NRXN1: variants seen among roughly 807,000 people sequenced by gnomAD.
The protein encoded by NRXN1 is neurexin-1.
Under a neutral mutation model 150.9 loss-of-function variants are expected in NRXN1, and 39 were observed. That is an observed-to-expected ratio of 0.26 (90% CI 0.20 to 0.34). The LOEUF (loss-of-function observed/expected upper bound fraction) is 0.34, where lower values mean the gene tolerates loss of function less well. NRXN1 is among the 10% of genes least tolerant of loss of function. The pLI is 1.00. For synonymous variants in NRXN1, 924 were observed against 757.0 expected (o/e 1.22, Z -3.62); for missense variants, 1,815 against 1,949.9 (o/e 0.93, Z 1.30).
chr2:50,709,920 C>A (rs1426471801), intron 5 of NRXN1, among the ~76,000 whole-genome samples: 2 of 152,108 alleles, frequency 1.3e-5, no homozygotes, highest in African/African-American at 4.8e-5. Context: ...TGGCCCAGTT[C>A]CCCAGAAATG....
intron 5 of NRXN1, among the ~76,000 whole-genome samples, chr2:50,894,505 A>G (rs1408875088): frequency 6.6e-6 from 1 of 151,928 alleles, no homozygotes; most frequent in Non-Finnish European, 1.5e-5. Flanking sequence ...CCATAAACGC[A>G]GAACACTTAA....
intron 18 of NRXN1, among the ~76,000 whole-genome samples, chr2:50,216,775 G>A (rs1208423852): frequency 2.0e-5 from 3 of 152,146 alleles, no homozygotes; most frequent in East Asian, 3.9e-4. Flanking sequence ...ATGATGCCAC[G>A]TTAGCACACT....
At chr2:50,587,607 A>T (rs1171896915) in intron 8 of NRXN1, among the ~76,000 whole-genome samples, 1 of 152,208 alleles carries the variant, frequency 6.6e-6, no homozygotes, top group Non-Finnish European at 1.5e-5. Context: ...TAATTTCTGA[A>T]TTATAGTTAT....
chr2:50,036,548 T>G (rs1032474272), intron 21 of NRXN1, among the ~76,000 whole-genome samples: 1 of 152,214 alleles, frequency 6.6e-6, no homozygotes, highest in Non-Finnish European at 1.5e-5. Context: ...TTTGACTTTT[T>G]AACTTTTTAG....
intron 8 of NRXN1, among the ~76,000 whole-genome samples, chr2:50,555,072 T>G (rs1380441889): frequency 1.3e-5 from 2 of 152,182 alleles, no homozygotes; most frequent in East Asian, 3.8e-4. Context: ...TTTTCCAAGT[T>G]TTATCGCTTC....
chr2:50,370,264 G>T (rs2079919737), intron 17 of NRXN1, among the ~76,000 whole-genome samples: 1 of 151,962 alleles, frequency 6.6e-6, no homozygotes, highest in South Asian at 2.1e-4. Flanking sequence ...TTCCCAAAAT[G>T]CAGCCTGCCA....
chr2:50,144,369 TACTC>T (rs1707707188), intron 18 of NRXN1, among the ~76,000 whole-genome samples: 1 of 151,840 alleles, frequency 6.6e-6, no homozygotes, highest in Admixed American at 6.6e-5. Flanking sequence ...TCCAGGTTGA[TACTC>T]ACAGCCCCTG....
intron 5 of NRXN1, among the ~76,000 whole-genome samples, chr2:50,688,561 A>G (rs1405933922): frequency 6.6e-6 from 1 of 152,150 alleles, no homozygotes; most frequent in Non-Finnish European, 1.5e-5. Context: ...TAGCCACAGA[A>G]TCCAGTTACA....
intron 21 of NRXN1, among the ~76,000 whole-genome samples, chr2:50,004,707 T>A (rs1684484969): frequency 6.6e-6 from 1 of 152,156 alleles, no homozygotes; most frequent in Non-Finnish European, 1.5e-5. Context: ...CTAGTTGTGG[T>A]AATAATGTAG....
intron 5 of NRXN1, chr2:50,829,670 C>T (rs1671110331): frequency 2.5e-6 from 4 of 1,611,470 alleles, no homozygotes; most frequent in African/African-American, 2.7e-5. Flanking sequence ...TCATAACAGG[C>T]TGACACAGCG....
intron 2 of NRXN1, among the ~76,000 whole-genome samples, chr2:50,952,976 C>A (rs533043759): frequency 1.3e-5 from 2 of 152,246 alleles, no homozygotes; most frequent in South Asian, 4.1e-4. Context: ...GTGGTGTACA[C>A]AGGAGGTAAT....
At chr2:50,045,734 C>G (rs1013230392) in intron 21 of NRXN1, among the ~76,000 whole-genome samples, 1 of 152,110 alleles carries the variant, frequency 6.6e-6, no homozygotes, top group African/African-American at 2.4e-5. Flanking sequence ...AAAGATATTA[C>G]TTTGTCCTAC....
intron 5 of NRXN1, among the ~76,000 whole-genome samples, chr2:50,806,567 C>T (rs1667536845): frequency 6.6e-6 from 1 of 152,070 alleles, no homozygotes; most frequent in Non-Finnish European, 1.5e-5. Flanking sequence ...AATTACAGTT[C>T]TAAGACTTAG....
At chr2:50,339,488 G>C (rs1230758952) in intron 17 of NRXN1, among the ~76,000 whole-genome samples, 1 of 152,084 alleles carries the variant, frequency 6.6e-6, no homozygotes, top group East Asian at 1.9e-4. Flanking sequence ...CACATACCTT[G>C]AAAATACACT....
At chr2:49,998,233 T>C (rs575263699) in intron 21 of NRXN1, among the ~76,000 whole-genome samples, 2 of 152,308 alleles carry the variant, frequency 1.3e-5, no homozygotes, top group East Asian at 3.9e-4. Context: ...CTGAACCTTG[T>C]CTCAACACAA....
At chr2:50,131,855 T>C (rs1705544212) in intron 18 of NRXN1, among the ~76,000 whole-genome samples, 1 of 152,154 alleles carries the variant, frequency 6.6e-6, no homozygotes. Context: ...GTGGTTATCC[T>C]ACTGTCAGGA....
At chr2:50,593,795 G>T (rs186020616) in intron 8 of NRXN1, among the ~76,000 whole-genome samples, 4 of 152,128 alleles carry the variant, frequency 2.6e-5, no homozygotes, top group Admixed American at 1.3e-4. Flanking sequence ...ACATATCTAG[G>T]CTGTTAAAAA....
At chr2:50,654,998 G>A (rs2104589046) in intron 5 of NRXN1, among the ~76,000 whole-genome samples, 1 of 151,910 alleles carries the variant, frequency 6.6e-6, no homozygotes, top group South Asian at 2.1e-4. Context: ...GAATAAAAAA[G>A]GTCTAATTAA....
In NRXN1 at chr2:49,918,687, C is replaced by CT. The variant is rs1028706121; in HGVS notation, c.*3256dup. On this transcript the variant is annotated 3_prime_UTR_variant, in exon 23 of 23. Coordinates refer to ENST00000401669, the MANE Select transcript of NRXN1 (RefSeq NM_001330078.2). ...ACAAAAGTACATTTAATGGCTACATCTTTAAGTGTATGAATATAGAGGTCT... is the reference window on the plus strand; with the variant it reads ...ACAAAAGTACATTTAATGGCTACATCTTTTAAGTGTATGAATATAGAGGTCT... 12 of 152,098 alleles carry CT rather than the reference C, an allele frequency of 7.9e-5. No homozygotes were observed. The highest frequency in any genetic ancestry group is 2.9e-4 in the African/African-American group (12 of 41,448). 9.4% of individuals were successfully genotyped at this position (152,098 alleles called of 1,614,324 possible).
Sources: gnomAD v4.1 joint callset for allele counts (sites outside exome capture counted in the v4.1 genomes callset) on GRCh38, gnomAD v4.1.1 for gene constraint, MANE v1.5 for transcripts, NCBI Gene and HGNC (gene_info 2026-07-23, HGNC 2026-07-21) for gene names.